The following EOGT variants were observed in gnomAD, a reference collection of about 807,000 sequenced individuals.
EOGT encodes the protein EGF domain-specific O-linked N-acetylglucosamine transferase.
In EOGT, 55 loss-of-function variants were observed where a neutral mutation model predicts 70.5. The ratio of observed to expected loss-of-function variants is 0.78; its 90% confidence interval spans 0.63 to 0.98. The LOEUF (loss-of-function observed/expected upper bound fraction) is 0.98, where lower values mean the gene tolerates loss of function less well. Among genes scored for constraint, EOGT ranks in the 50% least tolerant of loss-of-function variants. EOGT has a pLI of 0.00. For synonymous variants in EOGT, 246 were observed against 217.1 expected, an observed-to-expected ratio of 1.13 and a Z score of -1.17; for missense variants, 703 against 641.9, an observed-to-expected ratio of 1.10 and a Z score of -1.03.
At chr3:69,004,256 AG>A (rs2091378665) in intron 8 of EOGT, 121 bp downstream of exon 8, 1 of 707,140 alleles carries the variant, frequency 1.4e-6, no homozygotes, top group African/African-American at 1.8e-5. Context: ...ACTTCCCAGA[AG>A]CTCATGCCAA....
At chr3:68,981,193 A>T (rs2090629905) in intron 15 of EOGT, among the ~76,000 whole-genome samples, 1 of 152,204 alleles carries the variant, frequency 6.6e-6, no homozygotes, top group Non-Finnish European at 1.5e-5. Flanking sequence ...ACATTTCGAT[A>T]AATAGTAGCT....
chr3:68,994,266 C>A (rs1036004576), intron 10 of EOGT, among the ~76,000 whole-genome samples: 2 of 152,004 alleles, frequency 1.3e-5, no homozygotes, highest in Admixed American at 1.3e-4. Flanking sequence ...ATCACCTGAG[C>A]CCAGGAGAGC....
chr3:68,988,923 A>T lies in EOGT; in HGVS notation c.924+2T>A, dbSNP rs1168831492. Reference sequence around the variant, plus strand: ...CAGACATTTCAGGAAAATTTCCAGTACCCTTTTGGAATCATAAGTTTTCAA... The same window carrying T: ...CAGACATTTCAGGAAAATTTCCAGTTCCCTTTTGGAATCATAAGTTTTCAA... On this transcript the variant is annotated splice_donor_variant, in intron 11 of 17. Coordinates refer to ENST00000383701, the MANE Select transcript of EOGT (RefSeq NM_001278689.2). LOFTEE classifies it high-confidence loss of function. 4.7e-6 allele frequency: 7 copies of T among 1,490,240 alleles called. No homozygotes were observed. The highest frequency in any genetic ancestry group is 6.3e-6 in the Non-Finnish European group (7 of 1,112,294). 92.3% of individuals were successfully genotyped at this position (1,490,240 alleles called of 1,614,324 possible).
Position 68,977,698 on chromosome 3 carries a change from T to C in EOGT, c.1504A>G (p.Met502Val), listed in dbSNP as rs761784124. Reference protein sequence around the residue: ...TNYSFDVEEFMYLVLQAADHV... With the variant: ...TNYSFDVEEFVYLVLQAADHV... ...TCTGCAGCCTGAAGGACAAGATACA[T>C]AAATTCTTCTACATCGAAAGAGTAG... Residue 502 changes from methionine (M) to valine (V), a missense_variant, in exon 18 of 18, where the codon ATG becomes GTG. By Grantham distance (21) the Met-to-Val change is conservative (BLOSUM62 1). Transcript: ENST00000383701. The C allele has an allele frequency of 4.3e-6, 7 of 1,613,870 alleles. No individual in the cohort carries two copies. The African/African-American group carries it at 5.3e-5, about 12-fold the overall frequency.
Position 69,012,567 on chromosome 3 carries a change from T to A in EOGT, c.-123A>T, listed in dbSNP as rs996886666. The A allele has an allele frequency of 2.6e-5, 4 of 152,472 alleles. No homozygotes were observed. Among genetic ancestry groups the A allele is most frequent in the African/African-American group, 9.7e-5 (4 of 41,430 alleles). 9.4% of individuals were successfully genotyped at this position (152,472 alleles called of 1,614,324 possible). A position where few individuals can be genotyped will look rare whatever the true frequency, so the allele number is the denominator to read the frequency against. On this transcript the variant is annotated 5_prime_UTR_variant, in exon 2 of 18. The change abolishes the stop of an existing upstream ORF in the 5' untranslated region. Transcript: ENST00000383701. ...GATGGAAAAAATCTAAAGACGCAGA[T>A]CAGAAAGCTGGCGTCTGGCGAGGGC...
At chr3:68,981,045 C>G (rs1417869568) in intron 15 of EOGT, among the ~76,000 whole-genome samples, 2 of 152,298 alleles carry the variant, frequency 1.3e-5, no homozygotes, top group East Asian at 1.9e-4. Context: ...TATTGGCTCA[C>G]TCATTTCTTC....
At position 68,994,245 on chromosome 3, in the gene EOGT, G is replaced by A. The variant is rs374563063; in HGVS notation, c.831+3766C>T. ...TGTAGTCCTAGCTACTTGGGAGGCT[G>A]AGGCAGGAAGATCACCTGAGCCCAG... On this transcript the variant is annotated intron_variant, in intron 10 of 17. Transcript: ENST00000383701. 4.8e-4 allele frequency among the ~76,000 whole-genome samples: 73 copies of A among 152,308 alleles called. No individual in the cohort carries two copies. In the East Asian group the frequency reaches 0.013, roughly 27 times the overall value.
intron 10 of EOGT, among the ~76,000 whole-genome samples, chr3:68,997,311 A>C (rs1472542648): frequency 6.6e-6 from 1 of 152,222 alleles, no homozygotes; most frequent in Non-Finnish European, 1.5e-5. Flanking sequence ...GCAAAAGGCC[A>C]AACAGTAAAC....
intron 11 of EOGT, 167 bp downstream of exon 11, chr3:68,988,758 A>C (rs1368387625): frequency 1.7e-5 from 11 of 645,032 alleles, no homozygotes; most frequent in Non-Finnish European, 2.6e-5. Context: ...AAAACTTTTC[A>C]AAGGCTGCAT....
At chr3:68,982,949 T>C in intron 14 of EOGT, 77 bp from the exon 15 acceptor site, 1 of 1,065,092 alleles carries the variant, frequency 9.4e-7, no homozygotes, top group South Asian at 1.6e-5. Flanking sequence ...TCCTAAAATT[T>C]CTTTTTTTGC....
intron 3 of EOGT, 73 bp from the exon 4 acceptor site, chr3:69,009,933 C>CAACAACAAAAAA: frequency 7.8e-6 from 2 of 255,194 alleles, no homozygotes; most frequent in Non-Finnish European, 1.5e-5. Flanking sequence ...ACAACAACAA[C>CAACAACAAAAAA]AAAAAAAAAA....
intron 8 of EOGT, among the ~76,000 whole-genome samples, chr3:69,002,659 T>A (rs2091328024): frequency 7.7e-6 from 1 of 130,104 alleles, no homozygotes; most frequent in Non-Finnish European, 1.6e-5. Flanking sequence ...CAGCATGAAT[T>A]TCTTTTTTTT....
At chr3:68,996,342 C>A (rs957910699) in intron 10 of EOGT, among the ~76,000 whole-genome samples, 11 of 152,226 alleles carry the variant, frequency 7.2e-5, no homozygotes, top group African/African-American at 2.2e-4. Flanking sequence ...GCAAAACTGT[C>A]TCTCCTTCTG....
chr3:68,991,018 C>A (rs1263532829), intron 10 of EOGT, among the ~76,000 whole-genome samples: 2 of 151,684 alleles, frequency 1.3e-5, no homozygotes, highest in Non-Finnish European at 2.9e-5. Context: ...AAATAAAGGG[C>A]AATTAAAAGA....
chr3:68,988,696 C>A, intron 11 of EOGT, 119 bp from the exon 12 acceptor site: 1 of 678,782 alleles, frequency 1.5e-6, no homozygotes, highest in Non-Finnish European at 2.4e-6. Context: ...TTGAATAGCA[C>A]ACTATTTCAT....
chr3:68,977,282 T>C lies in EOGT; in HGVS notation c.*336A>G, dbSNP rs887225234. The C allele has an allele frequency of 5.1e-5, 10 of 196,898 alleles. No homozygotes were observed. The highest frequency in any genetic ancestry group is 1.0e-4 in the Non-Finnish European group (10 of 98,766). 12.2% of individuals were successfully genotyped at this position (196,898 alleles called of 1,614,324 possible). On this transcript the variant is annotated 3_prime_UTR_variant, in exon 18 of 18. Coordinates refer to ENST00000383701, the MANE Select transcript of EOGT (RefSeq NM_001278689.2). ...GCAGAAGTTGCATAAACTGAGATCA[T>C]GCCACTGCACTCCAGCCTGGGTGAC...
intron 2 of EOGT, among the ~76,000 whole-genome samples, 178 bp from the exon 3 acceptor site, chr3:69,012,169 C>T (rs1196202714): frequency 1.3e-5 from 2 of 152,116 alleles, no homozygotes; most frequent in Non-Finnish European, 2.9e-5. Context: ...CACTGCTATA[C>T]TCGAGTTCAC....
intron 10 of EOGT, among the ~76,000 whole-genome samples, chr3:68,991,089 G>C (rs1474659072): frequency 6.6e-6 from 1 of 152,136 alleles, no homozygotes; most frequent in African/African-American, 2.4e-5. Flanking sequence ...ATGTTTGAAA[G>C]GAAATTTTAA....
chr3:68,982,882 A>C lies in EOGT; in HGVS notation c.1153-10T>G. 6.3e-7 allele frequency: 1 copy of C among 1,596,192 alleles called. No homozygotes were observed. The highest frequency in any genetic ancestry group is 1.1e-5 in the South Asian group (1 of 87,596). On this transcript the variant is annotated splice_polypyrimidine_tract_variant and intron_variant, in intron 14 of 17. Transcript: ENST00000383701. ...TCAGTGCATTTACAAGCTGGGAAAA[A>C]AAGAGAAACATTTAGCATTTCTTTT...
Sources: gnomAD v4.1 joint callset for allele counts (sites outside exome capture counted in the v4.1 genomes callset) on GRCh38, gnomAD v4.1.1 for gene constraint, MANE v1.5 for transcripts, NCBI Gene and HGNC (gene_info 2026-07-23, HGNC 2026-07-21) for gene names.